TBCEL: variants seen among roughly 807,000 people sequenced by gnomAD.
TBCEL encodes the protein tubulin folding cofactor E like, also known as tubulin-specific chaperone cofactor E-like protein.
In TBCEL, 15 loss-of-function variants were observed where a neutral mutation model predicts 44.2. The ratio of observed to expected loss-of-function variants is 0.34; its 90% CI spans 0.23 to 0.52. The LOEUF (loss-of-function observed/expected upper bound fraction) is 0.52, where lower values mean the gene tolerates loss of function less well. TBCEL is among the 20% of genes least tolerant of loss of function. The probability of loss-of-function intolerance (pLI) is 0.95; values close to 1 mark genes in which losing one functional copy is unlikely to be tolerated. For missense variants in TBCEL, 319 were observed against 506.3 expected (o/e 0.63, Z 3.55); for synonymous variants, 171 against 185.4 (o/e 0.92, Z 0.63).
intron 2 of TBCEL, among the ~76,000 whole-genome samples, chr11:121,038,539 A>G (rs1945275180): frequency 6.6e-6 from 1 of 151,928 alleles, no homozygotes; most frequent in South Asian, 2.1e-4. Flanking sequence ...CTTTTTGGAG[A>G]TGAGGTTAGA....
intron 1 of TBCEL, among the ~76,000 whole-genome samples, chr11:121,028,781 A>G (rs1020646206): frequency 5.3e-5 from 8 of 152,228 alleles, no homozygotes; most frequent in African/African-American, 1.9e-4. Context: ...TTAAGAACTA[A>G]GGCTTAAAAT....
At chr11:121,072,610 G>A (rs1180879822) in intron 8 of TBCEL, among the ~76,000 whole-genome samples, 1 of 151,900 alleles carries the variant, frequency 6.6e-6, no homozygotes, top group Non-Finnish European at 1.5e-5. Flanking sequence ...ACATAAAGTA[G>A]CATTTTATAA....
chr11:121,070,338 T>C (rs369813391), intron 8 of TBCEL, among the ~76,000 whole-genome samples: 4 of 152,128 alleles, frequency 2.6e-5, no homozygotes, highest in African/African-American at 7.2e-5. Context: ...TTTGACCCAG[T>C]GATCCCATTA....
chr11:121,077,607 A>T (rs1171623554), intron 8 of TBCEL, among the ~76,000 whole-genome samples: 1 of 151,914 alleles, frequency 6.6e-6, no homozygotes, highest in Non-Finnish European at 1.5e-5. Flanking sequence ...TTTATTTGCT[A>T]TATTTCATTG....
chr11:121,084,805 A>G (rs1284148376), intron 8 of TBCEL, among the ~76,000 whole-genome samples: 2 of 151,940 alleles, frequency 1.3e-5, no homozygotes, highest in Non-Finnish European at 2.9e-5. Flanking sequence ...AGTTTCAGTT[A>G]TTTGAAGGCA....
At chr11:121,065,144 G>A (rs769889237) in intron 8 of TBCEL, among the ~76,000 whole-genome samples, 6 of 152,036 alleles carry the variant, frequency 3.9e-5, no homozygotes, top group Admixed American at 1.3e-4. Context: ...TTTTCTGTAC[G>A]TTTTTCCATA....
At chr11:121,082,390 G>A (rs1946141829) in intron 8 of TBCEL, among the ~76,000 whole-genome samples, 1 of 152,210 alleles carries the variant, frequency 6.6e-6, no homozygotes, top group Non-Finnish European at 1.5e-5. Flanking sequence ...TGGTGTGTCA[G>A]GTTCTGGTGC....
intron 1 of TBCEL, among the ~76,000 whole-genome samples, chr11:121,033,116 C>T (rs555889513): frequency 2.6e-5 from 4 of 152,126 alleles, no homozygotes; most frequent in Admixed American, 6.5e-5. Flanking sequence ...TGATAGATGC[C>T]ATTATGTCAA....
At chr11:121,052,169 G>T (rs1009504179) in intron 4 of TBCEL, among the ~76,000 whole-genome samples, 2 of 151,754 alleles carry the variant, frequency 1.3e-5, no homozygotes, top group Non-Finnish European at 2.9e-5. Context: ...GTTCATAATA[G>T]TTACATTTAT....
intron 1 of TBCEL, among the ~76,000 whole-genome samples, chr11:121,027,762 T>A (rs773725585): frequency 6.6e-6 from 1 of 152,218 alleles, no homozygotes; most frequent in Non-Finnish European, 1.5e-5. Context: ...TTTGTATTAT[T>A]TGTGCACCTT....
intron 7 of TBCEL, among the ~76,000 whole-genome samples, 182 bp from the exon 8 acceptor site, chr11:121,059,787 A>C (rs1945686141): frequency 6.6e-6 from 1 of 151,942 alleles, no homozygotes; most frequent in African/African-American, 2.4e-5. Context: ...AGTGAAACTC[A>C]ATTTTTTTTG....
chr11:121,072,630 A>G (rs1945956612), intron 8 of TBCEL, among the ~76,000 whole-genome samples: 1 of 152,100 alleles, frequency 6.6e-6, no homozygotes, highest in African/African-American at 2.4e-5. Context: ...ATTCTTTATT[A>G]GTATGAATTG....
intron 1 of TBCEL, among the ~76,000 whole-genome samples, chr11:121,034,866 C>T (rs1342090423): frequency 5.3e-5 from 8 of 152,040 alleles, no homozygotes; most frequent in South Asian, 2.1e-4. Context: ...TATCTGAAAA[C>T]GCTTCATCTC....
rs564424595 is a variant in TBCEL at position 121,087,236 on chromosome 11, T to C, written c.*140T>C. 10 of 947,060 alleles carry C rather than the reference T, an allele frequency of 1.1e-5. No individual in the cohort carries two copies. In the South Asian group the frequency reaches 1.6e-4, roughly 15 times the overall value. 58.7% of individuals were successfully genotyped at this position (947,060 alleles called of 1,614,324 possible). A position where few individuals can be genotyped will look rare whatever the true frequency, so the allele number is the denominator to read the frequency against. ...GGTTTGGGAAGGATTTTGTATATTT[T>C]TCCCCCTGGAGTGAGTAGGGGCCAT... On this transcript the variant is annotated 3_prime_UTR_variant, in exon 9 of 9. Transcript: ENST00000683345.
chr11:121,071,325 C>G (rs1392381386), intron 8 of TBCEL, among the ~76,000 whole-genome samples: 2 of 152,150 alleles, frequency 1.3e-5, no homozygotes, highest in African/African-American at 4.8e-5. Context: ...GTCAGCATAT[C>G]ATGTATCTTT....
chr11:121,031,932 A>G (rs530310204), intron 1 of TBCEL, among the ~76,000 whole-genome samples: 2 of 152,248 alleles, frequency 1.3e-5, no homozygotes, highest in Admixed American at 6.5e-5. Context: ...TCCTGGAATT[A>G]CAGATGTAAG....
chr11:121,026,485 C>T (rs947356873), intron 1 of TBCEL, among the ~76,000 whole-genome samples: 1 of 152,112 alleles, frequency 6.6e-6, no homozygotes, highest in Non-Finnish European at 1.5e-5. Context: ...AGTTTAATAG[C>T]GTTTCTTTTT....
Position 121,089,315 on chromosome 11 carries a change from T to C in TBCEL, c.*2219T>C, listed in dbSNP as rs954969586. On this transcript the variant is annotated 3_prime_UTR_variant, in exon 9 of 9. Transcript: ENST00000683345. ...TACTATTAGAGACCTGTTTCTTCTGTTATTACAGAACACAGTGTTTATCAA... is the reference window on the plus strand; with the variant it reads ...TACTATTAGAGACCTGTTTCTTCTGCTATTACAGAACACAGTGTTTATCAA... 6.6e-6 allele frequency: 1 copy of C among 152,232 alleles called. No homozygotes were observed. Among genetic ancestry groups the C allele is most frequent in the Non-Finnish European group, 1.5e-5 (1 of 68,040 alleles). The allele number at this position is 152,232 out of a possible 1,614,324, so 9.4% of individuals were successfully genotyped here. A position where few individuals can be genotyped will look rare whatever the true frequency, so the allele number is the denominator to read the frequency against.
At chr11:121,083,138 A>T (rs1946156240) in intron 8 of TBCEL, among the ~76,000 whole-genome samples, 1 of 152,214 alleles carries the variant, frequency 6.6e-6, no homozygotes. Flanking sequence ...AGGTTGAAAC[A>T]GATATTGAGA....
Sources: gnomAD v4.1 joint callset for allele counts (sites outside exome capture counted in the v4.1 genomes callset) on GRCh38, gnomAD v4.1.1 for gene constraint, MANE v1.5 for transcripts, NCBI Gene and HGNC (gene_info 2026-07-23, HGNC 2026-07-21) for gene names.